Variants in BICRAL observed in about 807,000 individuals in gnomAD.
BICRAL encodes the protein BRD4-interacting chromatin-remodeling complex-associated protein-like.
BICRAL carries 8 observed loss-of-function variants against 91.8 expected under a neutral mutation model. That is an observed-to-expected ratio of 0.09 (90% CI 0.05 to 0.16). BICRAL has a LOEUF of 0.16. Ranked by LOEUF, BICRAL falls within the 10% of genes least tolerant of loss-of-function variation. The pLI is 1.00. For missense variants in BICRAL, 1,038 were observed against 1,310.9 expected (o/e 0.79, Z 3.21); for synonymous variants, 445 against 491.1 (o/e 0.91, Z 1.24).
At chr6:42,839,092 T>C (rs9462835) in intron 6 of BICRAL, among the ~76,000 whole-genome samples, 71,044 of 151,540 alleles carry the variant, frequency 0.47, 17,899 homozygotes, top group African/African-American at 0.66. Context: ...CCCAGCTACT[T>C]GGGACGCTGA....
At chr6:42,828,345 G>T (rs1330084013) in intron 5 of BICRAL, 148 bp from the exon 6 acceptor site, 4 of 642,832 alleles carry the variant, frequency 6.2e-6, no homozygotes, top group Non-Finnish European at 1.0e-5. Flanking sequence ...AGCTTGCAGT[G>T]AGCCGAGATC....
At chr6:42,759,942 C>T (rs1762520537) in intron 1 of BICRAL, among the ~76,000 whole-genome samples, 1 of 152,106 alleles carries the variant, frequency 6.6e-6, no homozygotes, top group African/African-American at 2.4e-5. Flanking sequence ...ACAGTAAGTG[C>T]TTGTTAAAGA....
intron 6 of BICRAL, among the ~76,000 whole-genome samples, chr6:42,833,860 GTTA>G (rs914513424): frequency 2.0e-5 from 3 of 151,722 alleles, no homozygotes; most frequent in Admixed American, 6.6e-5. Context: ...TATTATTATT[GTTA>G]TTATTATGAG....
intron 1 of BICRAL, among the ~76,000 whole-genome samples, chr6:42,791,719 C>T (rs1038598425): frequency 6.6e-6 from 1 of 152,202 alleles, no homozygotes; most frequent in Non-Finnish European, 1.5e-5. Flanking sequence ...TCACCTCGGC[C>T]TCCCAAAGTG....
At chr6:42,807,440 C>T (rs922237385) in intron 1 of BICRAL, among the ~76,000 whole-genome samples, 1 of 152,036 alleles carries the variant, frequency 6.6e-6, no homozygotes, top group Non-Finnish European at 1.5e-5. Flanking sequence ...GTCTCAGCCT[C>T]CCAAAGTGTT....
chr6:42,822,189 T>G (rs1764154813), intron 3 of BICRAL, 126 bp downstream of exon 3: 1 of 601,548 alleles, frequency 1.7e-6, no homozygotes, highest in South Asian at 2.4e-5. Flanking sequence ...ATCATAGGTT[T>G]AGTAGAGAAA....
rs993370980 is a variant in BICRAL, at chr6:42,809,678, G to A, written c.-101-628G>A. Among the ~76,000 whole-genome samples the A allele has an allele frequency of 2.6e-5, 4 of 151,838 alleles. No homozygotes were observed. In the South Asian group the frequency reaches 8.3e-4, roughly 32 times the overall value. On this transcript the variant is annotated intron_variant, in intron 1 of 12. Coordinates refer to ENST00000314073, the MANE Select transcript of BICRAL (RefSeq NM_001393499.1). ...TTTTGTAGAGATGGGGTTTTGCCAT[G>A]TTGCCCAGGCTGGTCTCCAACTCCC... is the stretch of plus-strand genomic sequence containing the variant.
At chr6:42,751,122 A>G (rs139892103) in intron 1 of BICRAL, among the ~76,000 whole-genome samples, 2 of 147,438 alleles carry the variant, frequency 1.4e-5, no homozygotes, top group Non-Finnish European at 3.0e-5. Context: ...AGTTCCATAC[A>G]CTGCATTTAG....
intron 1 of BICRAL, among the ~76,000 whole-genome samples, chr6:42,807,861 T>A (rs1763753330): frequency 6.6e-6 from 1 of 151,812 alleles, no homozygotes; most frequent in Admixed American, 6.6e-5. Context: ...CAGAATGATA[T>A]ATTTATAATT....
intron 6 of BICRAL, among the ~76,000 whole-genome samples, chr6:42,842,682 G>C (rs1249058711): frequency 1.3e-5 from 2 of 151,984 alleles, no homozygotes; most frequent in East Asian, 3.9e-4. Flanking sequence ...ATCTCTTCCT[G>C]CCTATTATAC....
chr6:42,859,448 T>G (rs1581639311), intron 10 of BICRAL, among the ~76,000 whole-genome samples: 1 of 150,512 alleles, frequency 6.6e-6, no homozygotes, highest in South Asian at 2.1e-4. Context: ...AATTAGAAGG[T>G]GTTCAAATCC....
intron 6 of BICRAL, among the ~76,000 whole-genome samples, chr6:42,840,219 TTTTG>T (rs143931324): frequency 0.14 from 21,781 of 150,250 alleles, 2,308 homozygotes; most frequent in African/African-American, 0.3. Flanking sequence ...TTTTGTTCTT[TTTTG>T]TTTGTTTGTT....
At position 42,773,227 on chromosome 6, in the gene BICRAL, C is replaced by T. The variant is rs776582444; in HGVS notation, c.-260-8612C>T. The stretch of plus-strand genomic sequence containing the variant: ...CTGAGTAGCTGGGATTACAGGCACC[C>T]GCCATCATGCCCAGCTAATTTTTGT... On this transcript the variant is annotated intron_variant, in intron 1 of 14. Transcript: ENST00000614467. 2.1e-4 allele frequency among the ~76,000 whole-genome samples: 32 copies of T among 151,536 alleles called. 1 individual carries two copies. Among genetic ancestry groups the T allele is most frequent in the Admixed American group, 1.4e-3 (22 of 15,194 alleles).
intron 6 of BICRAL, among the ~76,000 whole-genome samples, chr6:42,843,238 G>T (rs1764863652): frequency 6.6e-6 from 1 of 152,114 alleles, no homozygotes; most frequent in African/African-American, 2.4e-5. Flanking sequence ...GGATGGTCAG[G>T]GAAGGTTTCC....
chr6:42,795,861 A>G lies in BICRAL; in HGVS notation c.-102+13760A>G, dbSNP rs141348597. On this transcript the variant is annotated intron_variant, in intron 1 of 12. Transcript: ENST00000314073. Reference sequence around the variant, plus strand: ...TAAAAAGGCACTGCAGTGATATTTCATCATCAAATATTTATTAAATGCTAA... The same window carrying G: ...TAAAAAGGCACTGCAGTGATATTTCGTCATCAAATATTTATTAAATGCTAA... 8.2e-4 allele frequency among the ~76,000 whole-genome samples: 125 copies of G among 152,354 alleles called. 1 individual carries two copies. Among genetic ancestry groups the G allele is most frequent in the African/African-American group, 2.8e-3 (117 of 41,584 alleles).
intron 1 of BICRAL, among the ~76,000 whole-genome samples, chr6:42,808,207 C>G (rs1233661685): frequency 6.6e-6 from 1 of 151,422 alleles, no homozygotes; most frequent in Admixed American, 6.6e-5. Flanking sequence ...TCTTGGCTCA[C>G]TGCAACCTTC....
intron 1 of BICRAL, among the ~76,000 whole-genome samples, chr6:42,752,664 C>T (rs546809831): frequency 2.6e-5 from 4 of 151,454 alleles, no homozygotes; most frequent in African/African-American, 4.8e-5. Flanking sequence ...AGTGCAGTGG[C>T]GCCATGTTGA....
Position 42,857,255 on chromosome 6 carries a change from T to C in BICRAL, c.2254+19T>C. On this transcript the variant is annotated intron_variant, in intron 10 of 12. Coordinates refer to ENST00000314073, the MANE Select transcript of BICRAL (RefSeq NM_001393499.1). ...AGAAAAGGTAAGCAGGCTGGGACCC[T>C]AAGGCACCACTCTGATACCAGGAAA... 6.2e-7 allele frequency: 1 copy of C among 1,602,522 alleles called. No homozygotes were observed. The highest frequency in any genetic ancestry group is 1.1e-5 in the South Asian group (1 of 90,256).
intron 2 of BICRAL, among the ~76,000 whole-genome samples, chr6:42,814,507 A>ATG (rs1763926484): frequency 2.2e-5 from 2 of 89,416 alleles, no homozygotes; most frequent in African/African-American, 1.0e-4. Context: ...GTGTATATAT[A>ATG]TATATATATA....
Sources: allele counts gnomAD v4.1 joint callset (sites outside exome capture counted in the v4.1 genomes callset), GRCh38; gene constraint gnomAD v4.1.1; transcripts MANE v1.5; gene names NCBI Gene and HGNC (gene_info 2026-07-23, HGNC 2026-07-21).